LIFR: variants seen among roughly 807,000 people sequenced by gnomAD.
The protein encoded by LIFR is LIF receptor subunit alpha, also known as leukemia inhibitory factor receptor.
LIFR carries 84 observed loss-of-function variants against 122.2 expected under a neutral mutation model. The ratio of observed to expected loss-of-function variants is 0.69; its 90% CI spans 0.58 to 0.82. The LOEUF (loss-of-function observed/expected upper bound fraction) is 0.82, where lower values mean the gene tolerates loss of function less well. Among genes scored for constraint, LIFR ranks in the 40% least tolerant of loss-of-function variants. LIFR has a pLI of 0.00. For synonymous variants in LIFR, 422 were observed against 434.7 expected (o/e 0.97, Z 0.36); for missense variants, 1,294 against 1,311.6 (o/e 0.99, Z 0.21).
At chr5:38,518,000 C>T (rs1231249912) in intron 5 of LIFR, among the ~76,000 whole-genome samples, 2 of 150,460 alleles carry the variant, frequency 1.3e-5, no homozygotes, top group Non-Finnish European at 3.0e-5. Context: ...CACCTGTAGC[C>T]CCAGCTACTC....
intron 1 of LIFR, among the ~76,000 whole-genome samples, chr5:38,576,294 C>T (rs1322153552): frequency 4.6e-5 from 7 of 152,284 alleles, no homozygotes; most frequent in African/African-American, 1.2e-4. Flanking sequence ...TGGTCAACAT[C>T]ATATCCAGAA....
chr5:38,592,467 G>C (rs1749952187), intron 1 of LIFR, among the ~76,000 whole-genome samples: 1 of 151,944 alleles, frequency 6.6e-6, no homozygotes, highest in Admixed American at 6.5e-5. Flanking sequence ...AGACCAGCCT[G>C]GCCAACATGA....
chr5:38,524,638 C>T (rs1031803652), intron 4 of LIFR, among the ~76,000 whole-genome samples: 2 of 152,152 alleles, frequency 1.3e-5, no homozygotes, highest in African/African-American at 4.8e-5. Context: ...TGTGAAGAGA[C>T]ACAGAAGCCT....
intron 1 of LIFR, among the ~76,000 whole-genome samples, chr5:38,532,562 G>A (rs994180047): frequency 2.6e-5 from 4 of 151,918 alleles, no homozygotes; most frequent in Admixed American, 2.0e-4. Context: ...GGAGGAAGGC[G>A]ATGCCCAGGG....
chr5:38,497,533 A>G (rs897050898), intron 12 of LIFR, among the ~76,000 whole-genome samples: 5 of 152,254 alleles, frequency 3.3e-5, no homozygotes, highest in Admixed American at 2.0e-4. Flanking sequence ...ATTTTAAAAA[A>G]TAGCATCATG....
chr5:38,487,604 T>C (rs1744356299), intron 16 of LIFR, among the ~76,000 whole-genome samples: 2 of 152,228 alleles, frequency 1.3e-5, no homozygotes, highest in Non-Finnish European at 2.9e-5. Flanking sequence ...AGAATAATTA[T>C]AACAATATAC....
upstream of LIFR, among the ~76,000 whole-genome samples, chr5:38,598,854 G>A (rs1750172354): frequency 6.6e-6 from 1 of 152,200 alleles, no homozygotes; most frequent in Non-Finnish European, 1.5e-5. Flanking sequence ...TCTATGCCTA[G>A]CACAATGCCT....
At chr5:38,486,719 C>G (rs1419371834) in intron 16 of LIFR, among the ~76,000 whole-genome samples, 1 of 152,032 alleles carries the variant, frequency 6.6e-6, no homozygotes, top group Non-Finnish European at 1.5e-5. Flanking sequence ...AAGTAGCAAA[C>G]TTAGAGAGAT....
At chr5:38,492,292 A>G (rs2112409987) in intron 14 of LIFR, among the ~76,000 whole-genome samples, 1 of 152,308 alleles carries the variant, frequency 6.6e-6, no homozygotes, top group Admixed American at 6.5e-5. Flanking sequence ...TCCCACAATC[A>G]TCGCGGGGCA....
At chr5:38,596,297 C>T (rs547334243), upstream of LIFR, among the ~76,000 whole-genome samples, 9 of 152,248 alleles carry the variant, frequency 5.9e-5, no homozygotes, top group African/African-American at 1.9e-4. Context: ...GAATCTGCAT[C>T]GTTAGGTATG....
chr5:38,599,352 G>T (rs1029781328), upstream of LIFR, among the ~76,000 whole-genome samples: 2 of 152,182 alleles, frequency 1.3e-5, no homozygotes, highest in African/African-American at 4.8e-5. Flanking sequence ...CACCATTACT[G>T]AAAGGGTCAC....
upstream of LIFR, among the ~76,000 whole-genome samples, chr5:38,600,170 C>G (rs1238294932): frequency 1.3e-5 from 2 of 152,188 alleles, no homozygotes; most frequent in African/African-American, 4.8e-5. Context: ...CTGGAAACCC[C>G]CTGCTTCCAG....
At chr5:38,604,933 A>C (rs555127954) in intron 2 of LIFR, among the ~76,000 whole-genome samples, 3 of 152,184 alleles carry the variant, frequency 2.0e-5, no homozygotes, top group African/African-American at 7.2e-5. Flanking sequence ...GTCATAGGTA[A>C]ATTTAAGCGT....
chr5:38,592,500 A>C (rs1370219231), intron 1 of LIFR, among the ~76,000 whole-genome samples: 1 of 151,938 alleles, frequency 6.6e-6, no homozygotes, highest in Non-Finnish European at 1.5e-5. Flanking sequence ...TCTACTAAAA[A>C]CAAAAAATTA....
chr5:38,598,278 G>T (rs1453163686), upstream of LIFR, among the ~76,000 whole-genome samples: 2 of 114,594 alleles, frequency 1.7e-5, no homozygotes, highest in African/African-American at 6.8e-5. Flanking sequence ...AGGGAGTCTC[G>T]CTGTGTCGCC....
At chr5:38,572,088 TCTTTA>T (rs1339412497) in intron 1 of LIFR, among the ~76,000 whole-genome samples, 4 of 152,236 alleles carry the variant, frequency 2.6e-5, no homozygotes, top group Non-Finnish European at 5.9e-5. Flanking sequence ...AAGAATCTTG[TCTTTA>T]CTTGTATATT....
chr5:38,489,677 T>C (rs1744469242), intron 15 of LIFR, among the ~76,000 whole-genome samples: 1 of 152,096 alleles, frequency 6.6e-6, no homozygotes, highest in East Asian at 1.9e-4. Context: ...AATTGTGAAA[T>C]GTAAACATTC....
intron 11 of LIFR, among the ~76,000 whole-genome samples, chr5:38,501,435 C>A (rs1220555897): frequency 6.6e-6 from 1 of 152,148 alleles, no homozygotes; most frequent in Non-Finnish European, 1.5e-5. Context: ...CTTTTGCTAT[C>A]TTTTGTTAAA....
rs539548553 is a variant in LIFR at position 38,477,543 on chromosome 5, CCCAT to C, written c.*4048_*4051del. On this transcript the variant is annotated 3_prime_UTR_variant, in exon 20 of 20. Coordinates refer to ENST00000453190, the MANE Select transcript of LIFR (RefSeq NM_001127671.2). ...GGTACAAACATGCCCCAGTTGCACA[CCCAT>C]CAAAGAAGAAGAAATTATGAACACT... The C allele has an allele frequency of 3.6e-4, 77 of 216,060 alleles. No individual in the cohort carries two copies. Among genetic ancestry groups the C allele is most frequent in the African/African-American group, 1.7e-3 (75 of 44,480 alleles). The allele number at this position is 216,060 out of a possible 1,614,324, so 13.4% of individuals were successfully genotyped here. A position where few individuals can be genotyped will look rare whatever the true frequency, so the allele number is the denominator to read the frequency against.
Sources: allele counts gnomAD v4.1 joint callset (sites outside exome capture counted in the v4.1 genomes callset), GRCh38; gene constraint gnomAD v4.1.1; transcripts MANE v1.5; gene names NCBI Gene and HGNC (gene_info 2026-07-23, HGNC 2026-07-21).